The following FER1L6 variants were observed in gnomAD, a reference collection of about 807,000 sequenced individuals.
FER1L6 encodes the protein fer-1-like protein 6.
FER1L6 carries 177 observed loss-of-function variants against 219.2 expected under a neutral mutation model. The observed-to-expected ratio is 0.81, with a 90% CI of 0.71 to 0.91. The LOEUF (loss-of-function observed/expected upper bound fraction) is 0.91. Among genes scored for constraint, FER1L6 ranks in the 40% least tolerant of loss-of-function variants. FER1L6 has a pLI of 0.00. For missense variants in FER1L6, 2,153 were observed against 2,259.9 expected, an observed-to-expected ratio of 0.95 and a Z score of 0.96; for synonymous variants, 768 against 824.3, an observed-to-expected ratio of 0.93 and a Z score of 1.17.
rs28407197 is a variant in FER1L6 at position 124,047,140 on chromosome 8, G to A, written c.2724+1239G>A. Among the ~76,000 whole-genome samples, 715 of 152,298 alleles carry A rather than the reference G, an allele frequency of 4.7e-3. 1 individual carries two copies. The highest frequency in any genetic ancestry group is 7.9e-3 in the Non-Finnish European group (537 of 68,028). ...CAGAAAACAATAATAGCAATAGAGC[G>A]TCTTTGAACACTCTACTAGGAAAAA... On this transcript the variant is annotated intron_variant, in intron 21 of 40. Transcript: ENST00000522917.
chr8:124,093,420 TA>T (rs1586327612), intron 34 of FER1L6, among the ~76,000 whole-genome samples: 1 of 152,012 alleles, frequency 6.6e-6, no homozygotes, highest in East Asian at 2.0e-4. Context: ...TACTGAACCA[TA>T]CATAGGATGG....
intron 22 of FER1L6, among the ~76,000 whole-genome samples, chr8:124,053,732 C>G (rs1265137872): frequency 6.6e-6 from 1 of 152,076 alleles, no homozygotes; most frequent in Non-Finnish European, 1.5e-5. Context: ...ATGGCACATG[C>G]TCATGGTGCC....
At chr8:124,113,688 T>A (rs1053784473) in intron 39 of FER1L6, among the ~76,000 whole-genome samples, 1 of 152,218 alleles carries the variant, frequency 6.6e-6, no homozygotes, top group Non-Finnish European at 1.5e-5. Flanking sequence ...TTTCCCCTCA[T>A]GTTGACTATT....
At chr8:123,966,375 T>C in intron 5 of FER1L6, 85 bp downstream of exon 5, 1 of 1,552,400 alleles carries the variant, frequency 6.4e-7, no homozygotes, top group Non-Finnish European at 8.8e-7. Context: ...AACAAAGAGC[T>C]GTGCCCCTCC....
rs778537043 is a variant in FER1L6, at chr8:123,910,691, G to GT, written c.-7-45300dup. 2.0e-5 allele frequency among the ~76,000 whole-genome samples: 3 copies of GT among 152,110 alleles called. No individual in the cohort carries two copies. In the East Asian group the frequency reaches 5.8e-4, roughly 29 times the overall value. The stretch of plus-strand genomic sequence containing the variant: ...CAGAGGTCCTCCAAAACTTGCTTAA[G>GT]TGTCTTCTAGTGGGAGGAAAAACTG... On this transcript the variant is annotated intron_variant, in intron 1 of 40. Coordinates refer to ENST00000522917, the MANE Select transcript of FER1L6 (RefSeq NM_001039112.2).
intron 36 of FER1L6, among the ~76,000 whole-genome samples, 176 bp downstream of exon 36, chr8:124,097,535 C>T (rs1371757497): frequency 6.6e-6 from 1 of 152,094 alleles, no homozygotes; most frequent in South Asian, 2.1e-4. Context: ...TTCTGAGTTT[C>T]CACTTCCTCA....
At chr8:123,911,109 A>T (rs1813040942) in intron 1 of FER1L6, among the ~76,000 whole-genome samples, 1 of 152,164 alleles carries the variant, frequency 6.6e-6, no homozygotes. Flanking sequence ...GGAATTCCTC[A>T]TATACTTAAC....
At chr8:123,990,484 G>C (rs1201769369) in intron 12 of FER1L6, among the ~76,000 whole-genome samples, 1 of 152,074 alleles carries the variant, frequency 6.6e-6, no homozygotes, top group African/African-American at 2.4e-5. Context: ...TAGTGATGTT[G>C]AGCATTTTTT....
chr8:124,070,484 C>G lies in FER1L6; in HGVS notation c.3852C>G (p.Leu1284=). The change falls in exon 30 of 41, where the codon CTC becomes CTG. Residue 1284 remains leucine (L), a synonymous_variant. Transcript: ENST00000522917. ...CCCTAAAGATATATGACGGTGATCT[C>G]GAGAGTGAATTCAACAATTTTGAAG... ...LAILQIYDGD[L]ESEFNNFEDW... 6.2e-7 allele frequency: 1 copy of G among 1,613,592 alleles called. No homozygotes were observed. The highest frequency in any genetic ancestry group is 8.5e-7 in the Non-Finnish European group (1 of 1,179,738).
intron 25 of FER1L6, among the ~76,000 whole-genome samples, chr8:124,063,955 C>A (rs186707147): frequency 6.6e-6 from 1 of 152,174 alleles, no homozygotes; most frequent in Non-Finnish European, 1.5e-5. Flanking sequence ...CTACAGTTGG[C>A]GGCTTCATGG....
intron 1 of FER1L6, among the ~76,000 whole-genome samples, chr8:123,897,528 A>G (rs1273513803): frequency 6.6e-6 from 1 of 152,226 alleles, no homozygotes; most frequent in Non-Finnish European, 1.5e-5. Flanking sequence ...TTCTATCTTT[A>G]TACCTTGACA....
In FER1L6 at chr8:124,076,343, C is replaced by G. The variant is rs1563784926; in HGVS notation, c.4220+18C>G. On this transcript the variant is annotated intron_variant, in intron 32 of 40. Coordinates refer to ENST00000522917, the MANE Select transcript of FER1L6 (RefSeq NM_001039112.2). ...TTTGGAAGGTCAGTGGCCATCTGGG[C>G]TGTGTTTTATTGTCCTTTCTGCATT... 1 of 1,610,700 alleles carries G rather than the reference C, an allele frequency of 6.2e-7. No individual in the cohort carries two copies. Among genetic ancestry groups the G allele is most frequent in the Admixed American group, 1.7e-5 (1 of 59,994 alleles).
intron 10 of FER1L6, 81 bp from the exon 11 acceptor site, chr8:123,980,384 A>T: frequency 8.8e-7 from 1 of 1,135,556 alleles, no homozygotes; most frequent in Non-Finnish European, 1.3e-6. Flanking sequence ...TTTCTTGGAT[A>T]TTCTACATTT....
chr8:124,077,253 T>A (rs1821332075), intron 32 of FER1L6, among the ~76,000 whole-genome samples: 1 of 152,216 alleles, frequency 6.6e-6, no homozygotes, highest in Non-Finnish European at 1.5e-5. Flanking sequence ...ACATTGCCTA[T>A]GCCAGCACAC....
At chr8:123,868,470 A>C (rs1172541159) in intron 1 of FER1L6, among the ~76,000 whole-genome samples, 1 of 152,186 alleles carries the variant, frequency 6.6e-6, no homozygotes, top group Non-Finnish European at 1.5e-5. Flanking sequence ...ATTTTCCCTG[A>C]TCATTTTATT....
chr8:123,951,003 G>A (rs755360037), intron 1 of FER1L6, among the ~76,000 whole-genome samples: 10 of 152,206 alleles, frequency 6.6e-5, no homozygotes, highest in African/African-American at 2.2e-4. Context: ...GGAAGTAGAC[G>A]TGGATTATAA....
intron 1 of FER1L6, among the ~76,000 whole-genome samples, chr8:123,944,186 G>A (rs1396873836): frequency 6.6e-6 from 1 of 151,924 alleles, no homozygotes; most frequent in Non-Finnish European, 1.5e-5. Flanking sequence ...CATGCTCAAT[G>A]AATGGTAGCT....
At position 124,039,749 on chromosome 8, in the gene FER1L6, G is replaced by T. The variant is rs981258417; in HGVS notation, c.2465-133G>T. ...GACTTCCATTCCTGTCTCAGAGGAGGGTGGATGTGGCTGGTGGTCTCCTTT... is the reference window on the plus strand; with the variant it reads ...GACTTCCATTCCTGTCTCAGAGGAGTGTGGATGTGGCTGGTGGTCTCCTTT... On this transcript the variant is annotated intron_variant, in intron 19 of 40. Transcript: ENST00000522917. 3.7e-6 allele frequency: 4 copies of T among 1,095,510 alleles called. No homozygotes were observed. In the Middle Eastern group the frequency reaches 8.4e-4, roughly 230 times the overall value. 67.9% of individuals were successfully genotyped at this position (1,095,510 alleles called of 1,614,324 possible).
chr8:124,020,124 A>G (rs1818393023), intron 16 of FER1L6, among the ~76,000 whole-genome samples: 1 of 152,132 alleles, frequency 6.6e-6, no homozygotes, highest in African/African-American at 2.4e-5. Context: ...CTGATGGTTT[A>G]TAAAGGGTAG....
Sources: gnomAD v4.1 joint callset for allele counts (sites outside exome capture counted in the v4.1 genomes callset) on GRCh38, gnomAD v4.1.1 for gene constraint, MANE v1.5 for transcripts, NCBI Gene and HGNC (gene_info 2026-07-23, HGNC 2026-07-21) for gene names.